Variants in GALNTL6 observed in about 807,000 individuals in gnomAD.
GALNTL6 encodes polypeptide N-acetylgalactosaminyltransferase like 6, also known as polypeptide N-acetylgalactosaminyltransferase-like 6.
In GALNTL6, 46 loss-of-function variants were observed where a neutral mutation model predicts 73.7. The observed-to-expected ratio is 0.62, with a 90% CI of 0.49 to 0.80. The LOEUF (loss-of-function observed/expected upper bound fraction) is 0.80, where lower values mean the gene tolerates loss of function less well. Ranked by LOEUF, GALNTL6 falls within the 30% of genes least tolerant of loss-of-function variation. The pLI, the probability that GALNTL6 is intolerant of heterozygous loss-of-function variation, is 0.00. For synonymous variants in GALNTL6, 259 were observed against 263.7 expected, an observed-to-expected ratio of 0.98 and a Z score of 0.17; for missense variants, 604 against 755.0, an observed-to-expected ratio of 0.80 and a Z score of 2.34.
intron 5 of GALNTL6, among the ~76,000 whole-genome samples, chr4:172,439,172 TCA>T (rs57281407): frequency 0.11 from 15,670 of 145,480 alleles, 920 homozygotes; most frequent in African/African-American, 0.14. Context: ...TCTCTCCCCT[TCA>T]CACACACACA....
chr4:172,002,464 T>C (rs1162799431), intron 2 of GALNTL6, among the ~76,000 whole-genome samples: 4 of 152,140 alleles, frequency 2.6e-5, no homozygotes, highest in Admixed American at 2.0e-4. Flanking sequence ...CAAGAACTGT[T>C]AGAAATACAT....
intron 5 of GALNTL6, among the ~76,000 whole-genome samples, chr4:172,393,055 A>C (rs1454926698): frequency 6.6e-6 from 1 of 152,136 alleles, no homozygotes; most frequent in South Asian, 2.1e-4. Flanking sequence ...AGCCGTCCTT[A>C]TGAGAATCTA....
At chr4:173,006,065 T>A (rs1355480170) in intron 10 of GALNTL6, among the ~76,000 whole-genome samples, 5 of 152,170 alleles carry the variant, frequency 3.3e-5, no homozygotes. Flanking sequence ...GGCTTGGGTA[T>A]GTTTTTTTCT....
chr4:172,977,352 CA>C (rs1244919299), intron 10 of GALNTL6, among the ~76,000 whole-genome samples: 1 of 152,158 alleles, frequency 6.6e-6, no homozygotes, highest in African/African-American at 2.4e-5. Context: ...ATTTACTTCT[CA>C]GTCACCTTTT....
chr4:172,331,768 C>A (rs926663121), intron 4 of GALNTL6, among the ~76,000 whole-genome samples: 1 of 152,096 alleles, frequency 6.6e-6, no homozygotes, highest in Non-Finnish European at 1.5e-5. Flanking sequence ...TTTTCTTTAT[C>A]CATTCATCCC....
At chr4:172,205,545 T>C (rs978854758) in intron 2 of GALNTL6, among the ~76,000 whole-genome samples, 6 of 152,230 alleles carry the variant, frequency 3.9e-5, no homozygotes, top group Non-Finnish European at 7.3e-5. Context: ...TATTAAAAGC[T>C]AGGTCAAAGG....
chr4:171,903,312 G>A (rs531014746), intron 2 of GALNTL6, among the ~76,000 whole-genome samples: 21 of 152,220 alleles, frequency 1.4e-4, no homozygotes, highest in Admixed American at 5.9e-4. Flanking sequence ...GAAGCAGGGC[G>A]AGGCATTGCC....
At chr4:172,276,905 G>T (rs1738852498) in intron 3 of GALNTL6, among the ~76,000 whole-genome samples, 1 of 151,830 alleles carries the variant, frequency 6.6e-6, no homozygotes, top group Non-Finnish European at 1.5e-5. Context: ...TAATTTAATG[G>T]ACTATTTTAT....
chr4:171,916,412 T>C (rs1337951405), intron 2 of GALNTL6, among the ~76,000 whole-genome samples: 1 of 152,112 alleles, frequency 6.6e-6, no homozygotes, highest in Admixed American at 6.6e-5. Flanking sequence ...TTGTGGAAAA[T>C]AGTAACTTCA....
chr4:172,430,800 C>G (rs1001618052), intron 5 of GALNTL6, among the ~76,000 whole-genome samples: 1 of 151,936 alleles, frequency 6.6e-6, no homozygotes, highest in Non-Finnish European at 1.5e-5. Context: ...GAAACCCTAT[C>G]TCTAAACCAC....
intron 2 of GALNTL6, among the ~76,000 whole-genome samples, chr4:171,821,939 T>A (rs1000690893): frequency 1.6e-4 from 24 of 152,126 alleles, no homozygotes; most frequent in Admixed American, 1.2e-3. Context: ...ATTACAAAAA[T>A]TACTAAAATT....
chr4:171,911,403 C>T lies in GALNTL6; in HGVS notation c.138+96685C>T, dbSNP rs531677906. Among the ~76,000 whole-genome samples, 44 of 152,310 alleles carry T rather than the reference C, an allele frequency of 2.9e-4. 1 individual carries two copies. Among genetic ancestry groups the T allele is most frequent in the African/African-American group, 9.4e-4 (39 of 41,586 alleles). ...CTGAGCTCAAGTGATCCACCTGCCT[C>T]GGCCTCCCAAAGTGCTGGGATTACA... On this transcript the variant is annotated intron_variant, in intron 2 of 12. Transcript: ENST00000506823.
Position 172,469,427 on chromosome 4 carries a change from G to A in GALNTL6, c.553+120738G>A, listed in dbSNP as rs1232787839. Among the ~76,000 whole-genome samples, 5 of 149,278 alleles carry A rather than the reference G, an allele frequency of 3.3e-5. No individual in the cohort carries two copies. The East Asian group carries it at 7.9e-4, about 24-fold the overall frequency. On this transcript the variant is annotated intron_variant, in intron 5 of 12. Coordinates refer to ENST00000506823, the MANE Select transcript of GALNTL6 (RefSeq NM_001034845.3). ...TGTAGACCAGCCTGGGCAACATAGT[G>A]AGACCTCATCTCTACAAAAAATAAA... is the stretch of plus-strand genomic sequence containing the variant.
intron 10 of GALNTL6, among the ~76,000 whole-genome samples, chr4:172,970,333 C>T (rs1286190793): frequency 6.6e-6 from 1 of 152,038 alleles, no homozygotes. Flanking sequence ...GGATTTTTTC[C>T]CCACCCTAAT....
chr4:172,617,271 G>A (rs1363213897), intron 5 of GALNTL6, among the ~76,000 whole-genome samples: 1 of 151,692 alleles, frequency 6.6e-6, no homozygotes, highest in Non-Finnish European at 1.5e-5. Flanking sequence ...TGTAATAACA[G>A]CATCTCAGGA....
intron 5 of GALNTL6, among the ~76,000 whole-genome samples, chr4:172,637,415 A>C (rs938068517): frequency 3.9e-5 from 6 of 152,202 alleles, no homozygotes; most frequent in Admixed American, 3.3e-4. Context: ...GTCATGGAAC[A>C]TTTTAAGATT....
chr4:172,958,060 A>G (rs1579707557), intron 10 of GALNTL6, among the ~76,000 whole-genome samples: 2 of 152,322 alleles, frequency 1.3e-5, no homozygotes, highest in Admixed American at 1.3e-4. Flanking sequence ...GCCAGAAACA[A>G]TGGTAACTGT....
rs73870108 is a variant in GALNTL6, at chr4:171,999,147, G to A, written c.138+184429G>A. Among the ~76,000 whole-genome samples, 726 of 152,214 alleles carry A rather than the reference G, an allele frequency of 4.8e-3. 5 individuals are homozygous for A. The highest frequency in any genetic ancestry group is 0.016 in the African/African-American group (672 of 41,544). On this transcript the variant is annotated intron_variant, in intron 2 of 12. Coordinates refer to ENST00000506823, the MANE Select transcript of GALNTL6 (RefSeq NM_001034845.3). Reference sequence around the variant, plus strand: ...TCAATAAGCTTAGCCTGATTCCTATGTTATTTACTAGGAAGAGAAAGAGGT... The same window carrying A: ...TCAATAAGCTTAGCCTGATTCCTATATTATTTACTAGGAAGAGAAAGAGGT...
chr4:171,880,034 T>C (rs1180351872), intron 2 of GALNTL6, among the ~76,000 whole-genome samples: 1 of 152,212 alleles, frequency 6.6e-6, no homozygotes, highest in African/African-American at 2.4e-5. Context: ...CTTACTGTTA[T>C]AGAAAGTAAT....
Sources: allele counts gnomAD v4.1 joint callset (sites outside exome capture counted in the v4.1 genomes callset), GRCh38; gene constraint gnomAD v4.1.1; transcripts MANE v1.5; gene names NCBI Gene and HGNC (gene_info 2026-07-23, HGNC 2026-07-21).